GPR176: variants seen among roughly 807,000 people sequenced by gnomAD.
GPR176 encodes G-protein coupled receptor 176.
In GPR176, 26 loss-of-function variants were observed where a neutral mutation model predicts 35.4. That is an observed-to-expected ratio of 0.74 (90% CI 0.54 to 1.02). The LOEUF is 1.02. GPR176 is among the 50% of genes least tolerant of loss of function. The pLI, the probability that GPR176 is intolerant of heterozygous loss-of-function variation, is 0.00. For synonymous variants in GPR176, 278 were observed against 271.3 expected, an observed-to-expected ratio of 1.02 and a Z score of -0.24; for missense variants, 597 against 665.3, an observed-to-expected ratio of 0.90 and a Z score of 1.13.
chr15:39,876,876 G>A (rs897007072), intron 1 of GPR176, among the ~76,000 whole-genome samples: 1 of 151,852 alleles, frequency 6.6e-6, no homozygotes, highest in African/African-American at 2.4e-5. Flanking sequence ...GAGAGACAGA[G>A]ACAGAGACAG....
chr15:39,869,862 G>A (rs1379920723), intron 1 of GPR176, among the ~76,000 whole-genome samples: 1 of 152,060 alleles, frequency 6.6e-6, no homozygotes, highest in African/African-American at 2.4e-5. Context: ...GGGTGGTGGT[G>A]TCCCATTAGT....
intron 1 of GPR176, among the ~76,000 whole-genome samples, chr15:39,867,843 A>G (rs1258042058): frequency 3.3e-5 from 5 of 152,194 alleles, no homozygotes; most frequent in Non-Finnish European, 5.9e-5. Context: ...GCTCAGGACC[A>G]TCTATGATGA....
intron 1 of GPR176, among the ~76,000 whole-genome samples, chr15:39,824,020 G>A (rs1360343414): frequency 6.6e-6 from 1 of 152,202 alleles, no homozygotes; most frequent in African/African-American, 2.4e-5. Context: ...TTTGAGTCAT[G>A]GGGGTGGATC....
intron 1 of GPR176, among the ~76,000 whole-genome samples, chr15:39,832,449 C>T (rs966942909): frequency 1.3e-5 from 2 of 152,056 alleles, no homozygotes; most frequent in Non-Finnish European, 2.9e-5. Context: ...GTCAAAAGTC[C>T]AAAGTGATTC....
At position 39,920,084 on chromosome 15, in the gene GPR176, TCTC is replaced by T. The variant is rs2033838202; in HGVS notation, c.-61_-59del. ...CCGCCTCGGAGCCCCGCGCGGAGCC[TCTC>T]CTCCTCCGGGTGAGGAGGGACGCGC... On this transcript the variant is annotated 5_prime_UTR_variant, in exon 1 of 3. Coordinates refer to ENST00000561100, the MANE Select transcript of GPR176 (RefSeq NM_007223.3). 20 of 1,188,146 alleles carry T rather than the reference TCTC, an allele frequency of 1.7e-5. No homozygotes were observed. In the East Asian group the frequency reaches 6.4e-4, roughly 38 times the overall value. 73.6% of individuals were successfully genotyped at this position (1,188,146 alleles called of 1,614,324 possible).
rs139394972 is a variant in GPR176 at position 39,903,006 on chromosome 15, A to G, written c.172+16849T>C. Among the ~76,000 whole-genome samples the G allele has an allele frequency of 3.0e-4, 46 of 152,326 alleles. No individual in the cohort carries two copies. In the East Asian group the frequency reaches 8.5e-3, roughly 28 times the overall value. On this transcript the variant is annotated intron_variant, in intron 1 of 2. Transcript: ENST00000561100. ...CTTTACCATGGTGCAAAAGCAATAT[A>G]TTTTCAGTACAGTATTTAATAAACT...
chr15:39,807,864 G>C (rs534763164), intron 1 of GPR176, among the ~76,000 whole-genome samples: 3 of 152,246 alleles, frequency 2.0e-5, no homozygotes, highest in Non-Finnish European at 2.9e-5. Flanking sequence ...GCACATCTCA[G>C]TTTGCACTAG....
intron 1 of GPR176, among the ~76,000 whole-genome samples, chr15:39,862,596 T>C (rs2031647621): frequency 6.6e-6 from 1 of 152,202 alleles, no homozygotes; most frequent in Admixed American, 6.5e-5. Flanking sequence ...AAGGTTATAA[T>C]AGAGCTAAAA....
chr15:39,857,110 G>C (rs541896527), intron 1 of GPR176, among the ~76,000 whole-genome samples: 5 of 152,164 alleles, frequency 3.3e-5, no homozygotes, highest in Admixed American at 3.3e-4. Flanking sequence ...GAAATAAGCA[G>C]CATATGCAAG....
At chr15:39,825,663 G>A (rs763923990) in intron 1 of GPR176, among the ~76,000 whole-genome samples, 10 of 152,028 alleles carry the variant, frequency 6.6e-5, no homozygotes, top group Non-Finnish European at 1.2e-4. Flanking sequence ...ATATAAATAT[G>A]CTTATTTTCT....
At chr15:39,846,902 A>G (rs2030469728) in intron 1 of GPR176, among the ~76,000 whole-genome samples, 1 of 152,144 alleles carries the variant, frequency 6.6e-6, no homozygotes, top group South Asian at 2.1e-4. Context: ...TTTTTCCTCA[A>G]GTTTTCTAAA....
chr15:39,903,414 C>CAACTGTAAGTTTTAT (rs2033334478), intron 1 of GPR176, among the ~76,000 whole-genome samples: 2 of 152,160 alleles, frequency 1.3e-5, no homozygotes, highest in African/African-American at 4.8e-5. Flanking sequence ...TGTGAGTTCA[C>CAACTGTAAGTTTTAT]AACTGTAAGT....
intron 1 of GPR176, among the ~76,000 whole-genome samples, chr15:39,847,400 T>C (rs1053020279): frequency 4.6e-5 from 7 of 152,084 alleles, no homozygotes; most frequent in African/African-American, 7.2e-5. Context: ...AATATAATGT[T>C]ATATACAGGT....
At chr15:39,913,962 C>T (rs548960134) in intron 1 of GPR176, among the ~76,000 whole-genome samples, 5 of 152,240 alleles carry the variant, frequency 3.3e-5, no homozygotes, top group East Asian at 1.9e-4. Context: ...AGGAGAATGG[C>T]GTGAACCTGG....
chr15:39,882,672 C>A (rs574581998), intron 1 of GPR176, among the ~76,000 whole-genome samples: 1 of 152,342 alleles, frequency 6.6e-6, no homozygotes, highest in Admixed American at 6.5e-5. Flanking sequence ...AGATGACACA[C>A]AACAATATGG....
intron 1 of GPR176, among the ~76,000 whole-genome samples, chr15:39,900,844 T>TA (rs2033256216): frequency 6.6e-6 from 1 of 152,174 alleles, no homozygotes; most frequent in Admixed American, 6.5e-5. Flanking sequence ...TGTGAATTTT[T>TA]AAAAAACTGC....
At position 39,920,117 on chromosome 15, in the gene GPR176, G is replaced by A; in HGVS notation, c.-91C>T. The A allele has an allele frequency of 1.1e-6, 1 of 893,176 alleles. No homozygotes were observed. The highest frequency in any genetic ancestry group is 1.5e-6 in the Non-Finnish European group (1 of 667,398). The allele number at this position is 893,176 out of a possible 1,614,324, so 55.3% of individuals were successfully genotyped here. On this transcript the variant is annotated 5_prime_UTR_variant, in exon 1 of 3. Transcript: ENST00000561100. ...TCCGGGTGAGGAGGGACGCGCGGGC[G>A]CCTGGCGGAGTCCTGGAGAAGCCGG...
chr15:39,809,927 C>T (rs1344707294), intron 1 of GPR176, among the ~76,000 whole-genome samples: 3 of 152,042 alleles, frequency 2.0e-5, no homozygotes, highest in Admixed American at 1.3e-4. Flanking sequence ...GGGCGGATCA[C>T]GAGGTCAGGA....
At chr15:39,818,209 T>A (rs566775987) in intron 1 of GPR176, among the ~76,000 whole-genome samples, 1 of 152,336 alleles carries the variant, frequency 6.6e-6, no homozygotes, top group South Asian at 2.1e-4. Flanking sequence ...ATGATTAAAC[T>A]AATACCTGCC....
Sources: allele counts gnomAD v4.1 joint callset (sites outside exome capture counted in the v4.1 genomes callset), GRCh38; gene constraint gnomAD v4.1.1; transcripts MANE v1.5; gene names NCBI Gene and HGNC (gene_info 2026-07-23, HGNC 2026-07-21).